The following TRIM45 variants were observed in gnomAD, a reference collection of about 807,000 sequenced individuals.
The protein encoded by TRIM45 is E3 ubiquitin-protein ligase TRIM45.
A neutral mutation model predicts 46.7 loss-of-function variants in TRIM45; 45 were observed. That is an observed-to-expected ratio of 0.96 (90% CI 0.76 to 1.24). The LOEUF is 1.24. Ranked by LOEUF, TRIM45 falls within the 50% of genes most tolerant of loss-of-function variation. The pLI is 0.00. For synonymous variants in TRIM45, 259 were observed against 285.8 expected, an observed-to-expected ratio of 0.91 and a Z score of 0.94; for missense variants, 680 against 728.4, an observed-to-expected ratio of 0.93 and a Z score of 0.77.
At chr1:117,121,886 A>G (rs1650657412), upstream of TRIM45, 1 of 713,318 alleles carries the variant, frequency 1.4e-6, no homozygotes, top group Non-Finnish European at 2.6e-6. The surrounding 1 kb of genome is among the most constrained non-coding windows in gnomAD (Gnocchi z 4.2). Flanking sequence ...TGGAAATTCC[A>G]CATCTTCGCC....
chr1:117,112,461 G>C lies in TRIM45; in HGVS notation c.1595-8C>G. The C allele has an allele frequency of 6.3e-7, 1 of 1,599,776 alleles. No homozygotes were observed. The highest frequency in any genetic ancestry group is 8.5e-7 in the Non-Finnish European group (1 of 1,174,120). On this transcript the variant is annotated splice_region_variant and splice_polypyrimidine_tract_variant and intron_variant, in intron 5 of 5. Transcript: ENST00000256649. ...CACAGCCTAGGTACCCACCTACATGGGACAAAGAGGAAAGGACAAAAATCA... is the reference window on the plus strand; with the variant it reads ...CACAGCCTAGGTACCCACCTACATGCGACAAAGAGGAAAGGACAAAAATCA...
rs1179209778 is a variant in TRIM45 at position 117,115,296 on chromosome 1, G to A, written c.1467+279C>T. On this transcript the variant is annotated intron_variant, in intron 4 of 5. Coordinates refer to ENST00000256649, the MANE Select transcript of TRIM45 (RefSeq NM_025188.4). This position sits in a 1 kb window ranked among gnomAD's most constrained non-coding sequence, Gnocchi z 4.2. The stretch of plus-strand genomic sequence containing the variant: ...CTGGCAGATCACCCCCTGTGATCAA[G>A]ACATCTTCTCCATATTAAGAATCCT... Among the ~76,000 whole-genome samples, 2 of 152,126 alleles carry A rather than the reference G, an allele frequency of 1.3e-5. No homozygotes were observed. The highest frequency in any genetic ancestry group is 6.6e-5 in the Admixed American group (1 of 15,266).
chr1:117,115,440 G>T lies in TRIM45; in HGVS notation c.1467+135C>A. 1 of 647,766 alleles carries T rather than the reference G, an allele frequency of 1.5e-6. No individual in the cohort carries two copies. Among genetic ancestry groups the T allele is most frequent in the Non-Finnish European group, 2.7e-6 (1 of 368,998 alleles). 40.1% of individuals were successfully genotyped at this position (647,766 alleles called of 1,614,324 possible). On this transcript the variant is annotated intron_variant, in intron 4 of 5. Transcript: ENST00000256649. The surrounding 1 kb of genome is among the most constrained non-coding windows in gnomAD (Gnocchi z 4.2). Reference sequence around the variant, plus strand: ...GAAGAATAAGAGTAGCAAAATCTGGGCTGTTTCTAAAGTGAAGAAGAAGAC... The same window carrying T: ...GAAGAATAAGAGTAGCAAAATCTGGTCTGTTTCTAAAGTGAAGAAGAAGAC...
Position 117,112,428 on chromosome 1 carries a change from T to A in TRIM45, c.1620A>T (p.Gly540=). 3 of 1,613,652 alleles carry A rather than the reference T, an allele frequency of 1.9e-6. No individual in the cohort carries two copies. Among genetic ancestry groups the A allele is most frequent in the Non-Finnish European group, 2.5e-6 (3 of 1,179,826 alleles). The part of the protein sequence containing the change: ...MPGGYLGCGH[G]HKGHPGHPHW... ...GGGGATGACCTGGGTGGCCTTTGTG[T>A]CCATGGCCACAGCCTAGGTACCCAC... is the stretch of plus-strand genomic sequence containing the variant. The change falls in exon 6 of 6, where the codon GGA becomes GGT. Residue 540 remains glycine, a synonymous_variant. Coordinates refer to ENST00000256649, the MANE Select transcript of TRIM45 (RefSeq NM_025188.4).
At position 117,121,275 on chromosome 1, in the gene TRIM45, C is replaced by T; in HGVS notation, c.-74G>A. The T allele has an allele frequency of 6.7e-7, 1 of 1,485,338 alleles. No individual in the cohort carries two copies. The highest frequency in any genetic ancestry group is 1.4e-5 in the South Asian group (1 of 71,370). The allele number at this position is 1,485,338 out of a possible 1,614,324, so 92.0% of individuals were successfully genotyped here. A position where few individuals can be genotyped will look rare whatever the true frequency, so the allele number is the denominator to read the frequency against. On this transcript the variant is annotated 5_prime_UTR_variant, in exon 1 of 6. Transcript: ENST00000256649. The surrounding 1 kb of genome is among the most constrained non-coding windows in gnomAD (Gnocchi z 4.2). ...CGATTTAGTAGCAGGTGATTAAGCC[C>T]ACCCAAAGAGAAAGTCTCCAGAACT...
At position 117,118,311 on chromosome 1, in the gene TRIM45, G is replaced by A. The variant is rs928404537; in HGVS notation, c.945C>T (p.Ala315=). 6.2e-7 allele frequency: 1 copy of A among 1,614,120 alleles called. No individual in the cohort carries two copies. The highest frequency in any genetic ancestry group is 1.3e-5 in the African/African-American group (1 of 75,024). ...QKENSLQLQK[A]QLEQLLADMR... ...TGTCTGCCAGTAACTGTTCCAGCTG[G>A]GCCTTCTGCAGCTGCAGGGAATTTT... Residue 315 remains alanine, a synonymous_variant, in exon 2 of 6, where the codon GCC becomes GCT. Transcript: ENST00000256649. This position sits in a 1 kb window ranked among gnomAD's most constrained non-coding sequence, Gnocchi z 5.7.
intron 1 of TRIM45, among the ~76,000 whole-genome samples, chr1:117,119,369 G>A (rs747919968): frequency 3.9e-5 from 6 of 152,234 alleles, no homozygotes; most frequent in Non-Finnish European, 5.9e-5. Context: ...ATTTTGGGAG[G>A]CTGAGGTGGG....
At chr1:117,120,239 T>C (rs1290721775) in intron 1 of TRIM45, among the ~76,000 whole-genome samples, 1 of 152,218 alleles carries the variant, frequency 6.6e-6, no homozygotes, top group Non-Finnish European at 1.5e-5. Context: ...CTGGATTTAA[T>C]ACTCAGTTCT....
At position 117,112,199 on chromosome 1, in the gene TRIM45, C is replaced by T; in HGVS notation, c.*106G>A. ...TTGAACTCCAGTGCAAGATAAGGCA[C>T]TTTGTTTTTAATTCTATCAGTCTCT... is the stretch of plus-strand genomic sequence containing the variant. On this transcript the variant is annotated 3_prime_UTR_variant, in exon 6 of 6. Transcript: ENST00000256649. 4 of 1,215,710 alleles carry T rather than the reference C, an allele frequency of 3.3e-6. No individual in the cohort carries two copies. The African/African-American group carries it at 4.6e-5, about 14-fold the overall frequency. The allele number at this position is 1,215,710 out of a possible 1,614,324, so 75.3% of individuals were successfully genotyped here.
At chr1:117,123,049 A>C (rs1650722016), upstream of TRIM45, among the ~76,000 whole-genome samples, 1 of 151,892 alleles carries the variant, frequency 6.6e-6, no homozygotes, top group African/African-American at 2.4e-5. Context: ...ATGAAAAAAA[A>C]AAAAAAAACC....
At chr1:117,123,921 G>A (rs192862583), upstream of TRIM45, among the ~76,000 whole-genome samples, 21 of 152,102 alleles carry the variant, frequency 1.4e-4, no homozygotes, top group African/African-American at 4.6e-4. Flanking sequence ...GTGAGCCACC[G>A]CGCCTGGCCA....
chr1:117,112,595 C>T (rs748310644), intron 5 of TRIM45, 142 bp from the exon 6 acceptor site: 13 of 790,580 alleles, frequency 1.6e-5, no homozygotes, highest in African/African-American at 3.5e-5. Flanking sequence ...GCAAGAGGAA[C>T]AAGCTGTCTG....
chr1:117,123,626 T>C (rs576886844), upstream of TRIM45, among the ~76,000 whole-genome samples: 21 of 137,176 alleles, frequency 1.5e-4, no homozygotes, highest in African/African-American at 4.8e-4. Flanking sequence ...TACCTTTCCC[T>C]TTTTTTTTTT....
Position 117,115,623 on chromosome 1 carries a change from T to C in TRIM45, c.1419A>G (p.Glu473=), listed in dbSNP as rs1483174786. ...GTYYISYTPK[E]PGVYTVWVCI... ...AGACCCACACAGTATAGACGCCAGG[T>C]TCCTTGGGGGTGTAGGAAATGTAGT... is the stretch of plus-strand genomic sequence containing the variant. Residue 473 remains glutamate, a synonymous_variant, in exon 4 of 6, where the codon GAA becomes GAG. Coordinates refer to ENST00000256649, the MANE Select transcript of TRIM45 (RefSeq NM_025188.4). This position sits in a 1 kb window ranked among gnomAD's most constrained non-coding sequence, Gnocchi z 4.2. 1 of 1,614,040 alleles carries C rather than the reference T, an allele frequency of 6.2e-7. No individual in the cohort carries two copies. Among genetic ancestry groups the C allele is most frequent in the Non-Finnish European group, 8.5e-7 (1 of 1,180,032 alleles).
In TRIM45 at chr1:117,115,478, T is replaced by C. The variant is rs894185943; in HGVS notation, c.1467+97A>G. On this transcript the variant is annotated intron_variant, in intron 4 of 5. Coordinates refer to ENST00000256649, the MANE Select transcript of TRIM45 (RefSeq NM_025188.4). The surrounding 1 kb of genome is among the most constrained non-coding windows in gnomAD (Gnocchi z 4.2). ...TGAAGAAGAAGACATGGGGATTCTATTCAATCTCTCTGTATAGCTGATCCT... is the reference window on the plus strand; with the variant it reads ...TGAAGAAGAAGACATGGGGATTCTACTCAATCTCTCTGTATAGCTGATCCT... 2.3e-6 allele frequency: 2 copies of C among 864,580 alleles called. No individual in the cohort carries two copies. Among genetic ancestry groups the C allele is most frequent in the African/African-American group, 3.4e-5 (2 of 59,448 alleles). The allele number at this position is 864,580 out of a possible 1,614,324, so 53.6% of individuals were successfully genotyped here.
rs1030161710 is a variant in TRIM45, at chr1:117,112,081, C to G, written c.*224G>C. On this transcript the variant is annotated 3_prime_UTR_variant, in exon 6 of 6. Coordinates refer to ENST00000256649, the MANE Select transcript of TRIM45 (RefSeq NM_025188.4). ...GGAGTATCCTGTGGTAGAAAAAGAA[C>G]GTTGCCAACCTACCTTTAAGAGAAA... 4 of 423,328 alleles carry G rather than the reference C, an allele frequency of 9.4e-6. No individual in the cohort carries two copies. Among genetic ancestry groups the G allele is most frequent in the East Asian group, 7.6e-5 (2 of 26,396 alleles). The allele number at this position is 423,328 out of a possible 1,614,324, so 26.2% of individuals were successfully genotyped here.
In TRIM45 at chr1:117,118,779, C is replaced by T; in HGVS notation, c.489-12G>A. 3.7e-6 allele frequency: 6 copies of T among 1,605,742 alleles called. No homozygotes were observed. The highest frequency in any genetic ancestry group is 3.4e-6 in the Non-Finnish European group (4 of 1,175,272). On this transcript the variant is annotated splice_polypyrimidine_tract_variant and intron_variant, in intron 1 of 5. Transcript: ENST00000256649. This position sits in a 1 kb window ranked among gnomAD's most constrained non-coding sequence, Gnocchi z 5.7. ...TTTTCTTCTGCCGCCTAGGGGCAAACAGAATCAGTAACAGGAAATAAGGGG... is the reference window on the plus strand; with the variant it reads ...TTTTCTTCTGCCGCCTAGGGGCAAATAGAATCAGTAACAGGAAATAAGGGG...
In TRIM45 at chr1:117,118,047, G is replaced by T. The variant is rs1454859849; in HGVS notation, c.1209C>A (p.Val403=). 1 of 1,613,292 alleles carries T rather than the reference G, an allele frequency of 6.2e-7. No individual in the cohort carries two copies. Among genetic ancestry groups the T allele is most frequent in the South Asian group, 1.1e-5 (1 of 90,956 alleles). The change falls in exon 2 of 6, where the codon GTC becomes GTA. Residue 403 remains valine, a synonymous_variant. Coordinates refer to ENST00000256649, the MANE Select transcript of TRIM45 (RefSeq NM_025188.4). This position sits in a 1 kb window ranked among gnomAD's most constrained non-coding sequence, Gnocchi z 5.7. Reference sequence around the variant, plus strand: ...ATGCCTTCCTACCTTCTCCTTGTAGGACACATTTGGCTGGATCAACCTCTT... The same window carrying T: ...ATGCCTTCCTACCTTCTCCTTGTAGTACACATTTGGCTGGATCAACCTCTT... ...NTKEVDPAKC[V]LQGEDLHRAR...
chr1:117,120,856 G>A lies in TRIM45; in HGVS notation c.346C>T (p.Leu116=). 2 of 1,614,210 alleles carry A rather than the reference G, an allele frequency of 1.2e-6. No homozygotes were observed. Among genetic ancestry groups the A allele is most frequent in the Non-Finnish European group, 1.7e-6 (2 of 1,180,044 alleles). ...TCCAGCATCACATCATTCACGGCCA[G>A]GTGGTCTATGGTTAAAGCCTTCACT... ...GGVKALTIDH[L]AVNDVMLESL... is the part of the protein sequence containing the mutation. Residue 116 remains leucine (L), a synonymous_variant, in exon 1 of 6, where the codon CTG becomes TTG. Coordinates refer to ENST00000256649, the MANE Select transcript of TRIM45 (RefSeq NM_025188.4).
Sources: gnomAD v4.1 joint callset for allele counts (sites outside exome capture counted in the v4.1 genomes callset) on GRCh38, gnomAD v4.1.1 for gene constraint, Gnocchi (gnomAD v3.1) non-coding constraint, MANE v1.5 for transcripts, NCBI Gene and HGNC (gene_info 2026-07-23, HGNC 2026-07-21) for gene names.